Variants in KIF4A observed in about 807,000 individuals in gnomAD.
KIF4A encodes the protein chromosome-associated kinesin KIF4A.
Under a neutral mutation model 105.9 loss-of-function variants are expected in KIF4A, and 7 were observed. The observed-to-expected ratio is 0.07, with a 90% CI of 0.04 to 0.12. The LOEUF (loss-of-function observed/expected upper bound fraction) is 0.12, where lower values mean the gene tolerates loss of function less well. Ranked by LOEUF, KIF4A falls within the 10% of genes least tolerant of loss-of-function variation. The pLI is 1.00. For synonymous variants in KIF4A, 281 were observed against 331.3 expected, an observed-to-expected ratio of 0.85 and a Z score of 1.65; for missense variants, 558 against 929.2, an observed-to-expected ratio of 0.60 and a Z score of 5.19.
intron 15 of KIF4A, among the ~76,000 whole-genome samples, chrX:70,371,301 G>A (rs974654617): frequency 9.2e-6 from 1 of 109,181 alleles, no homozygotes; most frequent in Non-Finnish European, 1.9e-5. Flanking sequence ...CAGGGTTGGG[G>A]GTAAGGTCAC....
chrX:70,400,535 C>T (rs1163235728), intron 22 of KIF4A, among the ~76,000 whole-genome samples: 2 of 111,180 alleles, frequency 1.8e-5, no homozygotes. Flanking sequence ...TAAAATACTC[C>T]TTTTCCCATC....
intron 22 of KIF4A, among the ~76,000 whole-genome samples, chrX:70,396,572 C>T (rs2086260324): frequency 9.0e-6 from 1 of 111,315 alleles, no homozygotes; most frequent in Non-Finnish European, 1.9e-5. Context: ...GAGTCAGGCA[C>T]CATAATTTTT....
At chrX:70,402,524 T>G in intron 22 of KIF4A, 42 bp from the exon 23 acceptor site, 1 of 1,196,904 alleles carries the variant, frequency 8.4e-7, no homozygotes, top group Non-Finnish European at 1.1e-6. Context: ...TTCTTGATGT[T>G]CAGGCTACTT....
chrX:70,351,202 G>A (rs1313773051), intron 13 of KIF4A, among the ~76,000 whole-genome samples: 1 of 110,888 alleles, frequency 9.0e-6, no homozygotes, highest in Non-Finnish European at 1.9e-5. Context: ...TTGTTACATA[G>A]ATATATCGGG....
At chrX:70,323,919 C>T (rs1372030723) in intron 7 of KIF4A, among the ~76,000 whole-genome samples, 3 of 109,376 alleles carry the variant, frequency 2.7e-5, no homozygotes, top group Non-Finnish European at 5.7e-5. Flanking sequence ...CTGCAACCTC[C>T]ACCTACCGGG....
At chrX:70,351,853 G>A (rs1213086104) in intron 13 of KIF4A, among the ~76,000 whole-genome samples, 2 of 111,890 alleles carry the variant, frequency 1.8e-5, no homozygotes, top group Non-Finnish European at 3.8e-5. Context: ...CGCCCCCCAG[G>A]TTTAAGCAAT....
intron 10 of KIF4A, among the ~76,000 whole-genome samples, chrX:70,338,438 A>G (rs2085959322): frequency 9.0e-6 from 1 of 111,672 alleles, no homozygotes; most frequent in Non-Finnish European, 1.9e-5. Flanking sequence ...GGCTTCTTTC[A>G]CTTATGTTTT....
intron 16 of KIF4A, among the ~76,000 whole-genome samples, chrX:70,374,578 G>T (rs181055810): frequency 1.8e-5 from 2 of 111,715 alleles, no homozygotes; most frequent in Admixed American, 1.9e-4. Flanking sequence ...TAGCATTTGA[G>T]CTGGCTTTTG....
intron 22 of KIF4A, among the ~76,000 whole-genome samples, chrX:70,397,695 G>T (rs962753809): frequency 8.9e-6 from 1 of 111,976 alleles, no homozygotes; most frequent in South Asian, 3.7e-4. Context: ...AGATTTTATC[G>T]TGTTTTAGGA....
intron 13 of KIF4A, among the ~76,000 whole-genome samples, chrX:70,351,571 G>A (rs975275876): frequency 3.6e-5 from 4 of 110,761 alleles, no homozygotes; most frequent in African/African-American, 1.3e-4. Flanking sequence ...AAGAAAATGT[G>A]GTATGGTATA....
intron 18 of KIF4A, among the ~76,000 whole-genome samples, chrX:70,380,318 A>G (rs963332282): frequency 1.1e-4 from 12 of 112,194 alleles, no homozygotes; most frequent in African/African-American, 3.6e-4. Flanking sequence ...AAAAAAAAAA[A>G]GGATGATACA....
intron 22 of KIF4A, among the ~76,000 whole-genome samples, chrX:70,399,634 G>A (rs929690302): frequency 1.8e-5 from 2 of 108,976 alleles, no homozygotes; most frequent in African/African-American, 3.3e-5. Flanking sequence ...ATAGACTGAT[G>A]AATTTTAATA....
At chrX:70,322,513 G>A (rs1043837795) in intron 7 of KIF4A, among the ~76,000 whole-genome samples, 78 of 107,763 alleles carry the variant, frequency 7.2e-4, no homozygotes, top group Non-Finnish European at 1.4e-3. Flanking sequence ...GGGTTTCACC[G>A]TGTTAGCCAG....
At chrX:70,357,798 A>AT (rs199676473) in intron 15 of KIF4A, among the ~76,000 whole-genome samples, 7 of 109,675 alleles carry the variant, frequency 6.4e-5, no homozygotes, top group Non-Finnish European at 1.1e-4. Context: ...TTATAGACCT[A>AT]TTTTTTTTTA....
At chrX:70,346,953 T>C (rs949111059) in intron 13 of KIF4A, among the ~76,000 whole-genome samples, 2 of 112,113 alleles carry the variant, frequency 1.8e-5, no homozygotes, top group Admixed American at 1.9e-4. Flanking sequence ...CCCTTTTCCA[T>C]TATAAAGGCA....
In KIF4A at chrX:70,352,656, C is replaced by G. The variant is rs139233441; in HGVS notation, c.1488C>G (p.Ala496=). ...AAIDTAVEQE[A]QVETSPETSR... is the part of the protein sequence containing the mutation. ...TTGATACTGCGGTGGAGCAAGAAGC[C>G]GTAAGTAATTGGCCCCTTTGTGTAG... The change falls in exon 14 of 31, where the codon GCC becomes GCG. Residue 496 remains alanine (A), a splice_region_variant and synonymous_variant. Transcript: ENST00000374403. The G allele has an allele frequency of 1.7e-6, 2 of 1,178,406 alleles. No homozygotes were observed. The highest frequency in any genetic ancestry group is 2.3e-6 in the Non-Finnish European group (2 of 868,808).
chrX:70,370,334 T>G (rs1437530175), intron 15 of KIF4A, among the ~76,000 whole-genome samples: 1 of 110,211 alleles, frequency 9.1e-6, no homozygotes, highest in Non-Finnish European at 1.9e-5. Flanking sequence ...GGGACTGGAA[T>G]TTTGGCAGGG....
chrX:70,366,065 T>A (rs1339500186), intron 15 of KIF4A, among the ~76,000 whole-genome samples: 1 of 111,986 alleles, frequency 8.9e-6, no homozygotes, highest in African/African-American at 3.2e-5. Context: ...TGGTAGTTTG[T>A]ATTTCTGTGG....
At chrX:70,306,357 A>T (rs1400354085) in intron 7 of KIF4A, among the ~76,000 whole-genome samples, 1 of 111,618 alleles carries the variant, frequency 9.0e-6, no homozygotes, top group Non-Finnish European at 1.9e-5. Flanking sequence ...CCATATGAAC[A>T]TTAGGTTCAA....
Sources: gnomAD v4.1 joint callset for allele counts (sites outside exome capture counted in the v4.1 genomes callset) on GRCh38, gnomAD v4.1.1 for gene constraint, MANE v1.5 for transcripts, NCBI Gene and HGNC (gene_info 2026-07-23, HGNC 2026-07-21) for gene names.